The following PGM5 variants were observed in gnomAD, a reference collection of about 807,000 sequenced individuals.
The protein encoded by PGM5 is phosphoglucomutase 5, also known as phosphoglucomutase-like protein 5.
In PGM5, 23 loss-of-function variants were observed where a neutral mutation model predicts 59.2. The observed-to-expected ratio is 0.39, with a 90% CI of 0.28 to 0.55. The LOEUF (loss-of-function observed/expected upper bound fraction) is 0.55, where lower values mean the gene tolerates loss of function less well. Ranked by LOEUF, PGM5 falls within the 20% of genes least tolerant of loss-of-function variation. The probability of loss-of-function intolerance (pLI) is 0.66; values close to 1 mark genes in which losing one functional copy is unlikely to be tolerated. For synonymous variants in PGM5, 214 were observed against 286.0 expected, an observed-to-expected ratio of 0.75 and a Z score of 2.54; for missense variants, 574 against 748.3, an observed-to-expected ratio of 0.77 and a Z score of 2.72.
chr9:68,381,925 A>G (rs1258676041), intron 2 of PGM5, among the ~76,000 whole-genome samples: 3 of 151,970 alleles, frequency 2.0e-5, no homozygotes, highest in African/African-American at 7.2e-5. Flanking sequence ...TCATGGATCA[A>G]AAACATTAAT....
intron 6 of PGM5, chr9:68,464,505 A>G (rs1323788005): frequency 1.3e-5 from 2 of 152,590 alleles, no homozygotes; most frequent in East Asian, 1.9e-4. Flanking sequence ...TAACCCAGGC[A>G]TGGGAACATG....
intron 6 of PGM5, among the ~76,000 whole-genome samples, chr9:68,416,081 A>G (rs1823026336): frequency 1.3e-5 from 2 of 152,214 alleles, no homozygotes; most frequent in African/African-American, 4.8e-5. Flanking sequence ...GATCTGAGAT[A>G]AATTAACCAT....
chr9:68,473,432 A>T (rs1398439880), intron 7 of PGM5, among the ~76,000 whole-genome samples: 1 of 152,190 alleles, frequency 6.6e-6, no homozygotes, highest in East Asian at 1.9e-4. Flanking sequence ...AGTTAAGTCC[A>T]TAGGCTTTGG....
intron 1 of PGM5, among the ~76,000 whole-genome samples, chr9:68,367,163 C>T (rs1339603875): frequency 1.8e-4 from 28 of 151,970 alleles, no homozygotes; most frequent in African/African-American, 6.3e-4. Context: ...GCAGCTGCTC[C>T]GGCATAGACT....
At chr9:68,446,176 A>G (rs1339294964) in intron 6 of PGM5, among the ~76,000 whole-genome samples, 1 of 152,238 alleles carries the variant, frequency 6.6e-6, no homozygotes, top group Non-Finnish European at 1.5e-5. Context: ...GGTGAAAGTA[A>G]TTTAAATAAT....
At chr9:68,487,419 G>A (rs559418938) in intron 9 of PGM5, among the ~76,000 whole-genome samples, 17 of 137,130 alleles carry the variant, frequency 1.2e-4, no homozygotes, top group African/African-American at 4.5e-4. Context: ...TCAAGAAAAG[G>A]ATACAACTAT....
intron 1 of PGM5, 83 bp downstream of exon 1, chr9:68,357,471 C>G (rs1834480315): frequency 1.3e-6 from 2 of 1,515,876 alleles, no homozygotes; most frequent in Non-Finnish European, 8.8e-7. Flanking sequence ...GCCTCCGGGC[C>G]CAGTTGGGAG....
intron 6 of PGM5, chr9:68,394,185 T>C (rs1181430126): frequency 2.6e-5 from 4 of 152,154 alleles, no homozygotes; most frequent in African/African-American, 9.7e-5. Flanking sequence ...TACATGGATG[T>C]ACACACTTTT....
rs567134684 is a variant in PGM5, at chr9:68,378,112, G to A, written c.262-87G>A. On this transcript the variant is annotated intron_variant, in intron 1 of 10. Coordinates refer to ENST00000396396, the MANE Select transcript of PGM5 (RefSeq NM_021965.4). ...TGTTTCTTTTATCAAGTTATTGGCT[G>A]TATGTTAACAGAGCCTGGGGCACTT... The A allele has an allele frequency of 1.1e-4, 113 of 983,074 alleles. 5 individuals carry two copies. The highest frequency in any genetic ancestry group is 4.0e-4 in the Admixed American group (12 of 29,890). The allele number at this position is 983,074 out of a possible 1,614,324, so 60.9% of individuals were successfully genotyped here.
chr9:68,520,093 A>AG (rs1824879730), intron 10 of PGM5, among the ~76,000 whole-genome samples: 1 of 150,134 alleles, frequency 6.7e-6, no homozygotes, highest in Non-Finnish European at 1.5e-5. Flanking sequence ...CTGTCTCAAA[A>AG]AAAAAAAAAA....
At chr9:68,398,677 G>A (rs561357384) in intron 6 of PGM5, 1 of 152,332 alleles carries the variant, frequency 6.6e-6, no homozygotes, top group South Asian at 2.1e-4. Flanking sequence ...GGCAGCCTAT[G>A]GAGTTCTGCC....
In PGM5 at chr9:68,411,488, G is replaced by GTATATA. The variant is rs782604420; in HGVS notation, c.1043+19025_1043+19030dup. Among the ~76,000 whole-genome samples the GTATATA allele has an allele frequency of 7.6e-4, 107 of 140,722 alleles. 1 individual carries two copies. The highest frequency in any genetic ancestry group is 2.0e-3 in the Admixed American group (28 of 13,862). The allele number at this position is 140,722 out of a possible 152,430, so 92.3% of individuals were successfully genotyped here. Reference sequence around the variant, plus strand: ...ATATAATGTGTGTGTGTGTGTGTGTGTATATATATATATATGATTTTCCCA... The same window carrying GTATATA: ...ATATAATGTGTGTGTGTGTGTGTGTGTATATATATATATATATATATGATTTTCCCA... On this transcript the variant is annotated intron_variant, in intron 6 of 10. Coordinates refer to ENST00000396396, the MANE Select transcript of PGM5 (RefSeq NM_021965.4).
intron 8 of PGM5, among the ~76,000 whole-genome samples, chr9:68,482,309 T>TAG (rs1824209320): frequency 1.3e-5 from 2 of 152,184 alleles, no homozygotes; most frequent in Non-Finnish European, 2.9e-5. Context: ...GTTGGGTCTT[T>TAG]ACCTTCTCCA....
intron 6 of PGM5, among the ~76,000 whole-genome samples, chr9:68,455,037 T>C (rs1250051246): frequency 6.6e-6 from 1 of 152,252 alleles, no homozygotes; most frequent in Non-Finnish European, 1.5e-5. Flanking sequence ...AGATGGTTCC[T>C]TTCAGGCAGG....
chr9:68,505,100 G>A (rs562025478), intron 10 of PGM5, among the ~76,000 whole-genome samples: 3 of 152,254 alleles, frequency 2.0e-5, no homozygotes, highest in East Asian at 3.9e-4. Context: ...CTTTGCTTTT[G>A]CAGGAAAGGA....
chr9:68,434,679 G>A (rs889328262), intron 6 of PGM5, among the ~76,000 whole-genome samples: 1 of 151,982 alleles, frequency 6.6e-6, no homozygotes, highest in Non-Finnish European at 1.5e-5. Flanking sequence ...GCTGGCAGGC[G>A]CCTGTAATCC....
Position 68,497,639 on chromosome 9 carries a change from T to G in PGM5, c.1480-1588T>G, listed in dbSNP as rs370928194. 10 of 152,370 alleles carry G rather than the reference T, an allele frequency of 6.6e-5. No individual in the cohort carries two copies. In the East Asian group the frequency reaches 1.3e-3, roughly 21 times the overall value. 9.4% of individuals were successfully genotyped at this position (152,370 alleles called of 1,614,324 possible). A position where few individuals can be genotyped will look rare whatever the true frequency, so the allele number is the denominator to read the frequency against. Reference sequence around the variant, plus strand: ...ATATATATTTTTACTAATGGCTTATTCTTAAACAGGACTTGAGGCCAGAGA... The same window carrying G: ...ATATATATTTTTACTAATGGCTTATGCTTAAACAGGACTTGAGGCCAGAGA... On this transcript the variant is annotated intron_variant, in intron 9 of 10. Coordinates refer to ENST00000396396, the MANE Select transcript of PGM5 (RefSeq NM_021965.4).
At chr9:68,527,392 G>C (rs1050778830) in intron 10 of PGM5, among the ~76,000 whole-genome samples, 6 of 152,142 alleles carry the variant, frequency 3.9e-5, no homozygotes, top group African/African-American at 1.2e-4. Context: ...TTTTCTGTCT[G>C]AGTTTAACTT....
chr9:68,443,631 T>A (rs1457737813), intron 6 of PGM5, among the ~76,000 whole-genome samples: 1 of 152,190 alleles, frequency 6.6e-6, no homozygotes, highest in Non-Finnish European at 1.5e-5. Context: ...TCCAAAAAGT[T>A]AGAACTTATT....
Sources: gnomAD v4.1 joint callset for allele counts (sites outside exome capture counted in the v4.1 genomes callset) on GRCh38, gnomAD v4.1.1 for gene constraint, MANE v1.5 for transcripts, NCBI Gene and HGNC (gene_info 2026-07-23, HGNC 2026-07-21) for gene names.